Variants in SAMD5 observed in about 807,000 individuals in gnomAD.
The protein encoded by SAMD5 is sterile alpha motif domain containing 5.
In SAMD5, 13 loss-of-function variants were observed where a neutral mutation model predicts 11.3. The ratio of observed to expected loss-of-function variants is 1.15; its 90% confidence interval spans 0.75 to 1.83. The LOEUF (loss-of-function observed/expected upper bound fraction) is 1.83. Among genes scored for constraint, SAMD5 ranks in the 40% most tolerant of loss-of-function variants. The probability of loss-of-function intolerance (pLI) is 0.00; values close to 1 mark genes in which losing one functional copy is unlikely to be tolerated. For missense variants in SAMD5, 255 were observed against 239.1 expected (o/e 1.07, Z -0.44); for synonymous variants, 129 against 111.3 (o/e 1.16, Z -1.00).
At chr6:147,560,364 C>T (rs1327340114) in intron 1 of SAMD5, among the ~76,000 whole-genome samples, 2 of 152,130 alleles carry the variant, frequency 1.3e-5, no homozygotes, top group African/African-American at 2.4e-5. Flanking sequence ...GCTTTGTGCC[C>T]CTGTGTTACC....
At chr6:147,657,581 C>CA (rs1271833049) in intron 1 of SAMD5, among the ~76,000 whole-genome samples, 1 of 152,140 alleles carries the variant, frequency 6.6e-6, no homozygotes, top group Non-Finnish European at 1.5e-5. Flanking sequence ...GCTGCTATAA[C>CA]AAAATACCAT....
At chr6:147,818,822 C>A in the SAMD5 span, among the ~76,000 whole-genome samples, 2 of 152,272 alleles carry the variant, frequency 1.3e-5, no homozygotes, top group Non-Finnish European at 2.9e-5. Flanking sequence ...GTTACAGTTA[C>A]CCCTTGTGAC....
intron 1 of SAMD5, among the ~76,000 whole-genome samples, chr6:147,518,259 C>T (rs1180458499): frequency 2.0e-5 from 3 of 152,156 alleles, no homozygotes; most frequent in Admixed American, 6.5e-5. Context: ...CTCTACGAAA[C>T]TACCACCTTA....
At chr6:147,916,663 G>A in the SAMD5 span, among the ~76,000 whole-genome samples, 4 of 151,286 alleles carry the variant, frequency 2.6e-5, no homozygotes, top group South Asian at 4.2e-4. Context: ...CCATTAACTC[G>A]TCATTTAGCA....
chr6:147,858,431 T>C, the SAMD5 span, among the ~76,000 whole-genome samples: 1 of 152,200 alleles, frequency 6.6e-6, no homozygotes, highest in Non-Finnish European at 1.5e-5. Flanking sequence ...CTTTGAGCAA[T>C]TTATTGTATT....
chr6:147,861,697 A>G, the SAMD5 span, among the ~76,000 whole-genome samples: 5 of 152,316 alleles, frequency 3.3e-5, no homozygotes, highest in East Asian at 3.9e-4. Flanking sequence ...TGGACTGGGA[A>G]GGATTTCTGC....
chr6:147,585,782 C>T lies in SAMD5; in HGVS notation c.162+76395C>T, dbSNP rs570582062. On this transcript the variant is annotated intron_variant, in intron 1 of 1. Transcript: ENST00000566741. ...TTCTATTTGATGGATTTCTAAAGAA[C>T]TTTGATTTTCTTAAGACCTCGTGCC... Among the ~76,000 whole-genome samples the T allele has an allele frequency of 9.2e-5, 14 of 152,174 alleles. No homozygotes were observed. In the South Asian group the frequency reaches 2.9e-3, roughly 32 times the overall value.
chr6:147,666,663 A>G lies in SAMD5; in HGVS notation c.163-70654A>G, dbSNP rs117054529. 1.5e-3 allele frequency among the ~76,000 whole-genome samples: 225 copies of G among 152,320 alleles called. 2 individuals are homozygous for G. The highest frequency in any genetic ancestry group is 2.6e-3 in the Admixed American group (40 of 15,290). ...CAGATTTAAAATGAGGTGATTTGGG[A>G]ATAACAAAGCTTTCGTATTTGATTC... is the stretch of plus-strand genomic sequence containing the variant. On this transcript the variant is annotated intron_variant, in intron 1 of 1. Coordinates refer to the SAMD5 transcript ENST00000566741.
the SAMD5 span, among the ~76,000 whole-genome samples, chr6:147,842,356 G>A: frequency 3.3e-5 from 5 of 151,700 alleles, no homozygotes; most frequent in African/African-American, 9.7e-5. Flanking sequence ...TTGTGTACCT[G>A]GTGAGTGCTC....
intron 1 of SAMD5, among the ~76,000 whole-genome samples, chr6:147,627,651 G>A (rs772360680): frequency 6.6e-6 from 1 of 152,134 alleles, no homozygotes; most frequent in Non-Finnish European, 1.5e-5. Flanking sequence ...TCAAATGTTG[G>A]CTTTACATAA....
intron 1 of SAMD5, among the ~76,000 whole-genome samples, chr6:147,669,017 T>C (rs1349065052): frequency 1.3e-5 from 2 of 152,128 alleles, no homozygotes; most frequent in Non-Finnish European, 2.9e-5. Flanking sequence ...TGCCCGATCT[T>C]GGTGGCTGCT....
intron 1 of SAMD5, among the ~76,000 whole-genome samples, chr6:147,548,964 C>G (rs1175109828): frequency 6.6e-6 from 1 of 152,136 alleles, no homozygotes; most frequent in Non-Finnish European, 1.5e-5. Flanking sequence ...ATGTGGCTCT[C>G]TTCCAAGCAG....
In SAMD5 at chr6:147,564,594, A is replaced by G. The variant is rs1167453645; in HGVS notation, c.*138A>G. On this transcript the variant is annotated 3_prime_UTR_variant, in exon 2 of 2. Transcript: ENST00000367474. The stretch of plus-strand genomic sequence containing the variant: ...ATCAGCTTAACTTTTTGCTTGGACA[A>G]ATTCTGGAATAATCAACTTAGTAAA... 26 of 1,456,042 alleles carry G rather than the reference A, an allele frequency of 1.8e-5. No homozygotes were observed. Among genetic ancestry groups the G allele is most frequent in the Non-Finnish European group, 2.3e-5 (25 of 1,097,938 alleles). 90.2% of individuals were successfully genotyped at this position (1,456,042 alleles called of 1,614,324 possible). A position where few individuals can be genotyped will look rare whatever the true frequency, so the allele number is the denominator to read the frequency against.
chr6:147,781,176 G>A, the SAMD5 span, among the ~76,000 whole-genome samples: 1 of 145,510 alleles, frequency 6.9e-6, no homozygotes, highest in East Asian at 2.0e-4. Context: ...TTTTTTTTGA[G>A]ACAGGGTCTC....
chr6:147,858,030 T>C, the SAMD5 span, among the ~76,000 whole-genome samples: 1 of 152,202 alleles, frequency 6.6e-6, no homozygotes, highest in East Asian at 1.9e-4. Context: ...CTCAGGGTGC[T>C]CTCAGAGGCA....
At chr6:147,587,160 C>CATCACTATA (rs1432945519) in intron 1 of SAMD5, among the ~76,000 whole-genome samples, 1 of 152,134 alleles carries the variant, frequency 6.6e-6, no homozygotes, top group Non-Finnish European at 1.5e-5. Flanking sequence ...ATGTCTTTCT[C>CATCACTATA]ATCACTATAT....
At chr6:147,938,733 G>A in the SAMD5 span, among the ~76,000 whole-genome samples, 1 of 152,214 alleles carries the variant, frequency 6.6e-6, no homozygotes. Context: ...TAGCGTATCA[G>A]AGTAGGTTGC....
At position 147,689,855 on chromosome 6, in the gene SAMD5, A is replaced by G. The variant is rs998834693; in HGVS notation, c.163-47462A>G. On this transcript the variant is annotated intron_variant, in intron 1 of 1. Coordinates refer to the SAMD5 transcript ENST00000566741. ...TGATGCTTGTGAAATTGAATTCAAAATCTTTTAAATTTCTTTCAACTTTTA... is the reference window on the plus strand; with the variant it reads ...TGATGCTTGTGAAATTGAATTCAAAGTCTTTTAAATTTCTTTCAACTTTTA... 2.3e-4 allele frequency among the ~76,000 whole-genome samples: 35 copies of G among 152,372 alleles called. 1 individual carries two copies. The highest frequency in any genetic ancestry group is 7.2e-4 in the African/African-American group (30 of 41,602).
At chr6:147,515,075 T>C (rs1429625243) in intron 1 of SAMD5, among the ~76,000 whole-genome samples, 1 of 151,858 alleles carries the variant, frequency 6.6e-6, no homozygotes, top group Non-Finnish European at 1.5e-5. Context: ...GAATTCCTTC[T>C]GCGTTCGTGA....
Sources: gnomAD v4.1 joint callset for allele counts (sites outside exome capture counted in the v4.1 genomes callset) on GRCh38, gnomAD v4.1.1 for gene constraint, MANE v1.5 for transcripts, NCBI Gene and HGNC (gene_info 2026-07-23, HGNC 2026-07-21) for gene names.